Variants in IL15 observed in about 807,000 individuals in gnomAD.
IL15 encodes the protein interleukin 15.
In IL15, 11 loss-of-function variants were observed where a neutral mutation model predicts 19.6. The observed-to-expected ratio is 0.56, with a 90% confidence interval of 0.35 to 0.93. The LOEUF (loss-of-function observed/expected upper bound fraction) is 0.93, where lower values mean the gene tolerates loss of function less well. IL15 is among the 40% of genes least tolerant of loss of function. The pLI is 0.01. For synonymous variants in IL15, 58 were observed against 59.6 expected (o/e 0.97, Z 0.12); for missense variants, 197 against 186.5 (o/e 1.06, Z -0.33).
At chr4:141,691,562 T>C (rs1728911750) in intron 2 of IL15, among the ~76,000 whole-genome samples, 1 of 152,152 alleles carries the variant, frequency 6.6e-6, no homozygotes, top group South Asian at 2.1e-4. Context: ...GGGTAAATGT[T>C]CCCATTCCAA....
At chr4:141,686,680 C>T (rs1728723988) in intron 2 of IL15, among the ~76,000 whole-genome samples, 1 of 152,210 alleles carries the variant, frequency 6.6e-6, no homozygotes, top group African/African-American at 2.4e-5. Context: ...CAAGCTTTTA[C>T]AGTGTCTGAG....
intron 5 of IL15, among the ~76,000 whole-genome samples, chr4:141,722,973 G>A (rs897395312): frequency 3.3e-5 from 5 of 149,934 alleles, no homozygotes; most frequent in Non-Finnish European, 5.9e-5. Context: ...GTTGACTTAA[G>A]AAAAAAAAAG....
intron 2 of IL15, among the ~76,000 whole-genome samples, chr4:141,701,011 A>C (rs1448282735): frequency 6.6e-6 from 1 of 152,074 alleles, no homozygotes; most frequent in East Asian, 1.9e-4. Flanking sequence ...AAAAATTTTC[A>C]TCCATATTCT....
intron 2 of IL15, among the ~76,000 whole-genome samples, chr4:141,711,793 A>G (rs995498313): frequency 3.3e-5 from 5 of 152,054 alleles, no homozygotes; most frequent in African/African-American, 1.2e-4. Context: ...TGTGGGTCTT[A>G]TATTTTCTAA....
intron 2 of IL15, among the ~76,000 whole-genome samples, chr4:141,677,195 T>C (rs1728375775): frequency 6.6e-6 from 1 of 152,148 alleles, no homozygotes; most frequent in South Asian, 2.1e-4. Context: ...TTCCACCTCC[T>C]CCACTTCTTC....
At chr4:141,663,843 G>T (rs1727875402) in intron 2 of IL15, among the ~76,000 whole-genome samples, 1 of 152,198 alleles carries the variant, frequency 6.6e-6, no homozygotes, top group African/African-American at 2.4e-5. Context: ...CCTTGGGGAA[G>T]AATGAGGCTA....
intron 2 of IL15, among the ~76,000 whole-genome samples, chr4:141,688,186 A>G (rs913706920): frequency 1.3e-5 from 2 of 152,186 alleles, no homozygotes; most frequent in Non-Finnish European, 2.9e-5. Flanking sequence ...GCCTAGTGAC[A>G]GAATAGTGAC....
At chr4:141,656,786 G>A (rs558818110) in intron 2 of IL15, among the ~76,000 whole-genome samples, 50 of 152,228 alleles carry the variant, frequency 3.3e-4, no homozygotes, top group African/African-American at 1.1e-3. Context: ...AAGAACTTGC[G>A]TGCTTAAAAT....
intron 6 of IL15, among the ~76,000 whole-genome samples, chr4:141,728,548 T>C (rs545938628): frequency 3.9e-5 from 6 of 152,140 alleles, no homozygotes; most frequent in African/African-American, 1.4e-4. Flanking sequence ...TCCTAAGGAA[T>C]GTAGGATTTG....
chr4:141,658,182 C>T (rs931114637), intron 2 of IL15, among the ~76,000 whole-genome samples: 1 of 152,158 alleles, frequency 6.6e-6, no homozygotes, highest in Non-Finnish European at 1.5e-5. Context: ...TAGCACCTCC[C>T]CCTGCTCTCT....
At chr4:141,650,496 C>G (rs1439153272) in intron 1 of IL15, among the ~76,000 whole-genome samples, 2 of 152,006 alleles carry the variant, frequency 1.3e-5, no homozygotes, top group African/African-American at 4.8e-5. Context: ...CAGCACAATG[C>G]ATAGCATATG....
chr4:141,722,446 A>G (rs149378871), intron 5 of IL15, among the ~76,000 whole-genome samples: 61 of 152,320 alleles, frequency 4.0e-4, no homozygotes, highest in African/African-American at 1.4e-3. Flanking sequence ...GATGGCACCA[A>G]GCATACCAAA....
intron 2 of IL15, among the ~76,000 whole-genome samples, chr4:141,713,800 C>G (rs900911633): frequency 6.6e-6 from 1 of 152,084 alleles, no homozygotes; most frequent in African/African-American, 2.4e-5. Flanking sequence ...AGTAAAATTT[C>G]CTGGACAAAT....
chr4:141,691,967 A>G (rs912882133), intron 2 of IL15, among the ~76,000 whole-genome samples: 1 of 152,224 alleles, frequency 6.6e-6, no homozygotes, highest in African/African-American at 2.4e-5. Context: ...GAGGTTCTCC[A>G]GGGGCTTTGC....
intron 1 of IL15, among the ~76,000 whole-genome samples, chr4:141,650,040 C>T (rs1385805297): frequency 6.6e-6 from 1 of 152,032 alleles, no homozygotes; most frequent in Non-Finnish European, 1.5e-5. Context: ...AATCACCATT[C>T]ATTTGTATTG....
chr4:141,699,049 G>T (rs1210082811), intron 2 of IL15, among the ~76,000 whole-genome samples: 1 of 151,978 alleles, frequency 6.6e-6, no homozygotes. Flanking sequence ...TCCTTTCAAA[G>T]GATTTTAAAA....
intron 2 of IL15, among the ~76,000 whole-genome samples, chr4:141,684,057 A>G (rs553413154): frequency 6.6e-6 from 1 of 152,310 alleles, no homozygotes; most frequent in Non-Finnish European, 1.5e-5. Context: ...AATGCAGGTG[A>G]AAGACCCTGT....
At chr4:141,653,575 G>A (rs1727486912) in intron 1 of IL15, among the ~76,000 whole-genome samples, 2 of 152,000 alleles carry the variant, frequency 1.3e-5, no homozygotes, top group African/African-American at 4.8e-5. Flanking sequence ...AATACACACT[G>A]TCGAGTTACC....
At chr4:141,639,562 A>G (rs913649535) in intron 1 of IL15, among the ~76,000 whole-genome samples, 4 of 152,164 alleles carry the variant, frequency 2.6e-5, no homozygotes, top group South Asian at 2.1e-4. Flanking sequence ...CTGCCTATCT[A>G]TGTATCCCTT....
Sources: allele counts gnomAD v4.1 joint callset (sites outside exome capture counted in the v4.1 genomes callset), GRCh38; gene constraint gnomAD v4.1.1; transcripts MANE v1.5; gene names NCBI Gene and HGNC (gene_info 2026-07-23, HGNC 2026-07-21).